Variants in CCDC7 observed in about 807,000 individuals in gnomAD.
CCDC7 encodes the protein coiled-coil domain-containing protein 7.
In CCDC7, 183 loss-of-function variants were observed where a neutral mutation model predicts 196.9. That is an observed-to-expected ratio of 0.93 (90% CI 0.82 to 1.05). CCDC7 has a LOEUF of 1.05. Ranked by LOEUF, CCDC7 falls within the 50% of genes least tolerant of loss-of-function variation. The pLI is 0.00. For missense variants in CCDC7, 1,540 were observed against 1,482.2 expected (o/e 1.04, Z -0.64); for synonymous variants, 525 against 484.6 (o/e 1.08, Z -1.10).
rs546637923 is a variant in CCDC7, at chr10:32,807,606, G to A, written c.3097+2508G>A. On this transcript the variant is annotated intron_variant, in intron 30 of 41. Transcript: ENST00000639629. ...GGAGGCAGCTGACCTAAGTAGGATC[G>A]ATAAAGTCCAGAGAGGCTCCCCAGT... 5.9e-5 allele frequency among the ~76,000 whole-genome samples: 9 copies of A among 152,150 alleles called. No homozygotes were observed. The South Asian group carries it at 1.2e-3, about 21-fold the overall frequency.
chr10:32,515,778 G>C (rs1195065116), intron 9 of CCDC7, among the ~76,000 whole-genome samples: 1 of 151,546 alleles, frequency 6.6e-6, no homozygotes, highest in Non-Finnish European at 1.5e-5. Flanking sequence ...CTGACCTCGT[G>C]ATCCGCCCAC....
At chr10:32,616,670 A>G (rs897117340) in intron 18 of CCDC7, among the ~76,000 whole-genome samples, 7 of 151,026 alleles carry the variant, frequency 4.6e-5, no homozygotes, top group Admixed American at 2.0e-4. Flanking sequence ...CTCTTGCATG[A>G]TTGCTTTGGT....
At chr10:32,547,274 G>C (rs1185306722) in intron 13 of CCDC7, among the ~76,000 whole-genome samples, 1 of 152,066 alleles carries the variant, frequency 6.6e-6, no homozygotes, top group Non-Finnish European at 1.5e-5. Context: ...TGATCCTCCT[G>C]CCTCAGCCTC....
intron 11 of CCDC7, among the ~76,000 whole-genome samples, chr10:32,523,827 A>C (rs1589499389): frequency 6.6e-6 from 1 of 151,642 alleles, no homozygotes; most frequent in African/African-American, 2.4e-5. Flanking sequence ...ACTGGCATGG[A>C]ATATCTTTTT....
intron 31 of CCDC7, 80 bp from the exon 33 acceptor site, chr10:32,824,438 G>C (rs2090793282): frequency 2.1e-5 from 16 of 756,616 alleles, no homozygotes; most frequent in Non-Finnish European, 3.4e-5. Context: ...TATTAATTAT[G>C]ATAGTATTAG....
intron 28 of CCDC7, among the ~76,000 whole-genome samples, chr10:32,759,612 T>A (rs1357296481): frequency 6.6e-6 from 1 of 152,208 alleles, no homozygotes; most frequent in Non-Finnish European, 1.5e-5. Flanking sequence ...ATTAAAGACT[T>A]ACATGGTAGA....
intron 23 of CCDC7, among the ~76,000 whole-genome samples, chr10:32,692,833 G>A (rs73259487): frequency 0.017 from 2,661 of 152,272 alleles, 84 homozygotes; most frequent in African/African-American, 0.061. Context: ...ATGCATCAGT[G>A]TAGACTGTGT....
At chr10:32,521,094 A>G (rs1241079984) in intron 11 of CCDC7, among the ~76,000 whole-genome samples, 1 of 152,084 alleles carries the variant, frequency 6.6e-6, no homozygotes, top group Non-Finnish European at 1.5e-5. Flanking sequence ...CTTTTTTGCA[A>G]CTACCATGCT....
chr10:32,576,470 T>C (rs2058204913), intron 16 of CCDC7, among the ~76,000 whole-genome samples: 1 of 151,986 alleles, frequency 6.6e-6, no homozygotes, highest in Non-Finnish European at 1.5e-5. Flanking sequence ...CTGACAAGCC[T>C]TGTGGAGGTT....
At chr10:32,861,131 A>AAAAAG (rs1565740882) in intron 41 of CCDC7, among the ~76,000 whole-genome samples, 2 of 148,660 alleles carry the variant, frequency 1.3e-5, no homozygotes, top group African/African-American at 2.5e-5. Context: ...AAAAAAAAAA[A>AAAAAG]AAAGAAAGCT....
intron 11 of CCDC7, among the ~76,000 whole-genome samples, chr10:32,523,220 T>A (rs1404187664): frequency 3.3e-5 from 5 of 152,294 alleles, no homozygotes; most frequent in African/African-American, 1.2e-4. Flanking sequence ...TCTTTGTTGA[T>A]TTTCTATCTC....
chr10:32,521,280 T>C (rs2047839509), intron 11 of CCDC7, among the ~76,000 whole-genome samples: 1 of 152,176 alleles, frequency 6.6e-6, no homozygotes, highest in African/African-American at 2.4e-5. Flanking sequence ...TGACAGGGAT[T>C]ACACTGAATC....
At chr10:32,762,781 A>G (rs1389826820) in intron 28 of CCDC7, among the ~76,000 whole-genome samples, 1 of 151,882 alleles carries the variant, frequency 6.6e-6, no homozygotes, top group Non-Finnish European at 1.5e-5. Context: ...TCTCTTTAAC[A>G]AATAGTGTTG....
chr10:32,817,958 T>C (rs2089176133), intron 31 of CCDC7, among the ~76,000 whole-genome samples: 1 of 152,156 alleles, frequency 6.6e-6, no homozygotes, highest in African/African-American at 2.4e-5. Flanking sequence ...GCTAACATCA[T>C]AATGACATGA....
intron 18 of CCDC7, among the ~76,000 whole-genome samples, chr10:32,589,261 G>C (rs1296302912): frequency 6.6e-6 from 1 of 152,044 alleles, no homozygotes; most frequent in Non-Finnish European, 1.5e-5. Context: ...TTGTCTTTCT[G>C]TGCCTGGCTT....
rs539200288 is a variant in CCDC7, at chr10:32,620,008, C to G, written c.1802-14246C>G. ...CATGATCTTGGCTCACTGCAACCTC[C>G]GCTTCCTGGGTTCAAGCAATTTTCC... On this transcript the variant is annotated intron_variant, in intron 18 of 41. Coordinates refer to ENST00000639629, the Ensembl canonical transcript of CCDC7. Among the ~76,000 whole-genome samples the G allele has an allele frequency of 7.0e-5, 10 of 143,462 alleles. 1 individual carries two copies. Among genetic ancestry groups the G allele is most frequent in the African/African-American group, 2.6e-4 (10 of 38,920 alleles). The allele number at this position is 143,462 out of a possible 152,430, so 94.1% of individuals were successfully genotyped here.
At chr10:32,457,958 C>CT (rs2034730788) in intron 3 of CCDC7, among the ~76,000 whole-genome samples, 3 of 151,066 alleles carry the variant, frequency 2.0e-5, no homozygotes, top group Admixed American at 2.0e-4. Flanking sequence ...TTGCAAATAT[C>CT]TTTTTTCATT....
chr10:32,652,437 A>C (rs2068946497), intron 20 of CCDC7, among the ~76,000 whole-genome samples: 1 of 152,030 alleles, frequency 6.6e-6, no homozygotes, highest in Non-Finnish European at 1.5e-5. Context: ...TTAAGGTCTT[A>C]CTATTGATAT....
chr10:32,594,482 A>C (rs538319803), intron 18 of CCDC7, among the ~76,000 whole-genome samples: 1 of 152,202 alleles, frequency 6.6e-6, no homozygotes, highest in Non-Finnish European at 1.5e-5. Context: ...ATATACAATC[A>C]TGTCATCTGC....
Sources: allele counts gnomAD v4.1 joint callset (sites outside exome capture counted in the v4.1 genomes callset), GRCh38; gene constraint gnomAD v4.1.1; transcripts MANE v1.5; gene names NCBI Gene and HGNC (gene_info 2026-07-23, HGNC 2026-07-21).